Variants in MAGI2 observed in about 807,000 individuals in gnomAD.
MAGI2 encodes membrane associated guanylate kinase, WW and PDZ domain containing 2.
Under a neutral mutation model 133.3 loss-of-function variants are expected in MAGI2, and 35 were observed. The ratio of observed to expected loss-of-function variants is 0.26; its 90% CI spans 0.20 to 0.35. The LOEUF is 0.35. MAGI2 is among the 10% of genes least tolerant of loss of function. The pLI is 1.00. For missense variants in MAGI2, 1,636 were observed against 1,863.4 expected, an observed-to-expected ratio of 0.88 and a Z score of 2.25; for synonymous variants, 729 against 710.6, an observed-to-expected ratio of 1.03 and a Z score of -0.41.
intron 2 of MAGI2, among the ~76,000 whole-genome samples, chr7:78,779,274 G>A (rs1322330431): frequency 2.0e-5 from 3 of 151,940 alleles, no homozygotes; most frequent in Non-Finnish European, 4.4e-5. Flanking sequence ...CTTGATCATT[G>A]TCCATGTGTC....
chr7:78,451,786 G>T (rs865903663), intron 6 of MAGI2, among the ~76,000 whole-genome samples: 52 of 152,078 alleles, frequency 3.4e-4, no homozygotes, highest in Middle Eastern at 6.3e-3. Flanking sequence ...CTTCTTTCCT[G>T]GATCAGGGCT....
chr7:78,494,548 T>G (rs775781348), intron 5 of MAGI2, among the ~76,000 whole-genome samples: 1 of 152,198 alleles, frequency 6.6e-6, no homozygotes, highest in Non-Finnish European at 1.5e-5. Context: ...CTTAGGTATA[T>G]ACATAACTAG....
chr7:78,642,887 C>T (rs1810456322), intron 2 of MAGI2, among the ~76,000 whole-genome samples: 1 of 152,138 alleles, frequency 6.6e-6, no homozygotes, highest in Admixed American at 6.6e-5. Context: ...GTGCACTCCA[C>T]CAACATCCAC....
At chr7:79,391,562 T>TATAG (rs1421027683) in intron 1 of MAGI2, among the ~76,000 whole-genome samples, 7 of 68,354 alleles carry the variant, frequency 1.0e-4, no homozygotes, top group African/African-American at 3.5e-4. Context: ...TATATATATA[T>TATAG]ACACACTTTA....
intron 2 of MAGI2, among the ~76,000 whole-genome samples, chr7:78,702,038 G>A (rs1496765): frequency 0.084 from 12,692 of 151,958 alleles, 572 homozygotes; most frequent in African/African-American, 0.12. Flanking sequence ...CCTTGAGAAA[G>A]GAATAAATGG....
chr7:78,461,998 T>C (rs1004734602), intron 6 of MAGI2, among the ~76,000 whole-genome samples: 3 of 148,378 alleles, frequency 2.0e-5, no homozygotes, highest in Non-Finnish European at 4.5e-5. Context: ...AATTAAGTGA[T>C]TATAAGGTGA....
At chr7:78,655,217 G>T (rs1265475720) in intron 2 of MAGI2, among the ~76,000 whole-genome samples, 1 of 151,578 alleles carries the variant, frequency 6.6e-6, no homozygotes, top group South Asian at 2.1e-4. Context: ...GCAAGACAAC[G>T]GAAAACCTAT....
At chr7:78,144,728 T>C (rs1392998971) in intron 16 of MAGI2, among the ~76,000 whole-genome samples, 1 of 152,220 alleles carries the variant, frequency 6.6e-6, no homozygotes, top group African/African-American at 2.4e-5. Flanking sequence ...AGGTGGACTC[T>C]GTGTCAGTTT....
intron 2 of MAGI2, among the ~76,000 whole-genome samples, chr7:78,708,425 G>A (rs1243933205): frequency 6.6e-6 from 1 of 152,116 alleles, no homozygotes; most frequent in Non-Finnish European, 1.5e-5. Flanking sequence ...AGCCTTTTCT[G>A]ATTTCTCAGC....
intron 2 of MAGI2, among the ~76,000 whole-genome samples, chr7:78,868,380 A>T (rs1280191233): frequency 6.6e-6 from 1 of 152,228 alleles, no homozygotes; most frequent in Non-Finnish European, 1.5e-5. Flanking sequence ...TAATATCCCT[A>T]GGTTCACAAA....
At chr7:78,749,859 T>C (rs1823284018) in intron 2 of MAGI2, among the ~76,000 whole-genome samples, 1 of 152,198 alleles carries the variant, frequency 6.6e-6, no homozygotes, top group African/African-American at 2.4e-5. Context: ...AAACAATTTT[T>C]CTTCATTCAT....
chr7:78,628,285 T>C (rs1222132032), intron 2 of MAGI2, among the ~76,000 whole-genome samples: 2 of 104,222 alleles, frequency 1.9e-5, no homozygotes, highest in Non-Finnish European at 4.2e-5. Flanking sequence ...AATGCATACA[T>C]GCAAAGAAAT....
At chr7:79,205,402 G>T (rs1414238373) in intron 1 of MAGI2, among the ~76,000 whole-genome samples, 4 of 151,928 alleles carry the variant, frequency 2.6e-5, no homozygotes, top group African/African-American at 9.7e-5. Flanking sequence ...CAGTCCATCA[G>T]AAATGAAGGA....
intron 9 of MAGI2, among the ~76,000 whole-genome samples, chr7:78,318,432 C>T (rs529502608): frequency 4.6e-5 from 7 of 151,576 alleles, no homozygotes; most frequent in Non-Finnish European, 5.9e-5. Context: ...GAAAAAAGAA[C>T]GAAAAGGAAC....
chr7:78,627,172 A>G lies in MAGI2; in HGVS notation c.486T>C (p.Asp162=), dbSNP rs1307182125. 1.3e-6 allele frequency: 2 copies of G among 1,598,146 alleles called. No individual in the cohort carries two copies. Among genetic ancestry groups the G allele is most frequent in the African/African-American group, 2.7e-5 (2 of 73,862 alleles). Reference sequence around the variant, plus strand: ...CACCACTTTTCTCCAATTCCATAAAATCTTCAACAGTGATGAAAATATAAT... The same window carrying G: ...CACCACTTTTCTCCAATTCCATAAAGTCTTCAACAGTGATGAAAATATAAT... ...GVDYIFITVE[D]FMELEKSGAL... is the part of the protein sequence containing the mutation. Residue 162 remains aspartate, a synonymous_variant, in exon 3 of 22, where the codon GAT becomes GAC. Transcript: ENST00000354212.
At chr7:79,016,983 G>A (rs763431266) in intron 1 of MAGI2, among the ~76,000 whole-genome samples, 29 of 152,216 alleles carry the variant, frequency 1.9e-4, no homozygotes, top group East Asian at 1.3e-3. Context: ...GCGAGGCCCC[G>A]TGCATCTCCA....
At chr7:78,851,380 T>C (rs1793127189) in intron 2 of MAGI2, among the ~76,000 whole-genome samples, 1 of 152,006 alleles carries the variant, frequency 6.6e-6, no homozygotes. Flanking sequence ...ACAATGTTCT[T>C]TGGAAATTCC....
chr7:78,291,902 T>C (rs1584748420), intron 9 of MAGI2, among the ~76,000 whole-genome samples: 2 of 152,154 alleles, frequency 1.3e-5, no homozygotes, highest in Non-Finnish European at 2.9e-5. Flanking sequence ...CTAAAAACTC[T>C]CAATAAACTA....
At chr7:78,996,192 T>C (rs1806291649) in intron 2 of MAGI2, among the ~76,000 whole-genome samples, 1 of 152,138 alleles carries the variant, frequency 6.6e-6, no homozygotes, top group African/African-American at 2.4e-5. Flanking sequence ...TAAATATGCA[T>C]ATATCTTACT....
Sources: gnomAD v4.1 joint callset for allele counts (sites outside exome capture counted in the v4.1 genomes callset) on GRCh38, gnomAD v4.1.1 for gene constraint, MANE v1.5 for transcripts, NCBI Gene and HGNC (gene_info 2026-07-23, HGNC 2026-07-21) for gene names.